SYT9: variants seen among roughly 807,000 people sequenced by gnomAD.
SYT9 encodes the protein synaptotagmin 9.
Under a neutral mutation model 48.4 loss-of-function variants are expected in SYT9, and 22 were observed. The ratio of observed to expected loss-of-function variants is 0.45; its 90% CI spans 0.32 to 0.65. The LOEUF (loss-of-function observed/expected upper bound fraction) is 0.65. SYT9 is among the 30% of genes least tolerant of loss of function. The probability of loss-of-function intolerance (pLI) is 0.03; values close to 1 mark genes in which losing one functional copy is unlikely to be tolerated. For synonymous variants in SYT9, 265 were observed against 245.0 expected, an observed-to-expected ratio of 1.08 and a Z score of -0.76; for missense variants, 577 against 622.0, an observed-to-expected ratio of 0.93 and a Z score of 0.77.
intron 3 of SYT9, among the ~76,000 whole-genome samples, chr11:7,415,223 A>T (rs1847218722): frequency 6.6e-6 from 1 of 152,138 alleles, no homozygotes; most frequent in Non-Finnish European, 1.5e-5. Context: ...CCCTGCAAGG[A>T]GGCTGTGCGG....
chr11:7,319,259 T>C (rs1849298337), intron 3 of SYT9, among the ~76,000 whole-genome samples: 3 of 149,198 alleles, frequency 2.0e-5, no homozygotes, highest in African/African-American at 7.4e-5. Context: ...TCTTGAGGTA[T>C]CTGTAGGCTG....
intron 3 of SYT9, among the ~76,000 whole-genome samples, chr11:7,355,412 A>T (rs1850000822): frequency 6.6e-6 from 1 of 152,230 alleles, no homozygotes; most frequent in Non-Finnish European, 1.5e-5. Flanking sequence ...TATTAGGGAA[A>T]TGCTGTTGGA....
rs758664489 is a variant in SYT9, at chr11:7,398,780, C to T, written c.1045-17262C>T. On this transcript the variant is annotated intron_variant, in intron 3 of 6. Coordinates refer to ENST00000318881, the MANE Select transcript of SYT9 (RefSeq NM_175733.4). ...GTTGAGTGCCAACAAATGGAAAATTCCACACCTGACCTCATGTGACAGCTT... is the reference window on the plus strand; with the variant it reads ...GTTGAGTGCCAACAAATGGAAAATTTCACACCTGACCTCATGTGACAGCTT... Among the ~76,000 whole-genome samples, 104 of 152,240 alleles carry T rather than the reference C, an allele frequency of 6.8e-4. 1 individual carries two copies. Among genetic ancestry groups the T allele is most frequent in the Middle Eastern group, 3.4e-3 (1 of 294 alleles).
chr11:7,266,013 C>G (rs774814696), intron 1 of SYT9, among the ~76,000 whole-genome samples: 1 of 152,024 alleles, frequency 6.6e-6, no homozygotes, highest in Non-Finnish European at 1.5e-5. Context: ...GAGAAAGAAG[C>G]TGGACAAGAA....
At chr11:7,428,724 T>C (rs185418037) in intron 6 of SYT9, among the ~76,000 whole-genome samples, 1 of 152,322 alleles carries the variant, frequency 6.6e-6, no homozygotes, top group East Asian at 1.9e-4. Flanking sequence ...GTCTCATTTG[T>C]TGAGACTTTG....
At position 7,464,815 on chromosome 11, in the gene SYT9, G is replaced by T. The variant is rs1015859236; in HGVS notation, c.1468-1977G>T. On this transcript the variant is annotated intron_variant, in intron 6 of 6. Coordinates refer to ENST00000318881, the MANE Select transcript of SYT9 (RefSeq NM_175733.4). ...GAGCTATTCGGGGCCAGGCGCGGTG[G>T]CTCACGCCTGTAATCCCAGTACTTT... Among the ~76,000 whole-genome samples, 6 of 152,136 alleles carry T rather than the reference G, an allele frequency of 3.9e-5. No individual in the cohort carries two copies. In the East Asian group the frequency reaches 9.6e-4, roughly 24 times the overall value.
chr11:7,323,116 G>GT (rs886391578), intron 3 of SYT9, among the ~76,000 whole-genome samples: 12 of 151,772 alleles, frequency 7.9e-5, no homozygotes, highest in African/African-American at 2.9e-4. Context: ...TTAATTTTAA[G>GT]TTTTTTTCTA....
At chr11:7,288,606 C>T (rs949854318) in intron 1 of SYT9, among the ~76,000 whole-genome samples, 9 of 151,164 alleles carry the variant, frequency 6.0e-5, no homozygotes, top group African/African-American at 2.2e-4. Context: ...TGGAGAATAA[C>T]ATCTTACATA....
In SYT9 at chr11:7,297,637, C is replaced by T. The variant is rs557922548; in HGVS notation, c.146-5402C>T. Among the ~76,000 whole-genome samples, 5 of 152,312 alleles carry T rather than the reference C, an allele frequency of 3.3e-5. No individual in the cohort carries two copies. The South Asian group carries it at 1.0e-3, about 32-fold the overall frequency. On this transcript the variant is annotated intron_variant, in intron 1 of 6. Transcript: ENST00000318881. ...GCTGGGACTTCCTTCCACCAGTCTT[C>T]CAACTTCAGTACAGTTTCTCATGTA... is the stretch of plus-strand genomic sequence containing the variant.
intron 1 of SYT9, among the ~76,000 whole-genome samples, chr11:7,280,762 ACTAT>A (rs1285428038): frequency 9.1e-6 from 1 of 109,516 alleles, no homozygotes; most frequent in East Asian, 3.4e-4. Context: ...AGATGTAAGT[ACTAT>A]AGATGTAAGT....
intron 3 of SYT9, among the ~76,000 whole-genome samples, chr11:7,358,603 G>C (rs1001770808): frequency 2.6e-5 from 4 of 152,124 alleles, no homozygotes; most frequent in Non-Finnish European, 5.9e-5. Context: ...TATTTTATCA[G>C]ATTAAAGATT....
At chr11:7,243,195 A>G (rs1847757170) in intron 1 of SYT9, among the ~76,000 whole-genome samples, 2 of 152,238 alleles carry the variant, frequency 1.3e-5, no homozygotes, top group African/African-American at 2.4e-5. Flanking sequence ...TGCAGTTACA[A>G]TTAATGAATG....
intron 6 of SYT9, among the ~76,000 whole-genome samples, chr11:7,458,902 T>C (rs1417225173): frequency 6.6e-6 from 1 of 152,230 alleles, no homozygotes; most frequent in Admixed American, 6.5e-5. Context: ...TCCAAAGTTA[T>C]CACTGATCTC....
At chr11:7,434,384 C>G (rs1233606898) in intron 6 of SYT9, among the ~76,000 whole-genome samples, 1 of 152,098 alleles carries the variant, frequency 6.6e-6, no homozygotes, top group Non-Finnish European at 1.5e-5. Context: ...AATGAAGGAA[C>G]CAAAAGCCAG....
At chr11:7,317,382 G>A (rs1438783048) in intron 3 of SYT9, among the ~76,000 whole-genome samples, 3 of 152,118 alleles carry the variant, frequency 2.0e-5, no homozygotes, top group Non-Finnish European at 2.9e-5. Flanking sequence ...TAGAGTTCTG[G>A]AGCCTGGGAT....
intron 3 of SYT9, among the ~76,000 whole-genome samples, chr11:7,394,781 T>G (rs541556343): frequency 4.6e-5 from 7 of 152,282 alleles, no homozygotes; most frequent in Non-Finnish European, 1.0e-4. Context: ...GATTATTAAT[T>G]TGAGATTTTT....
At chr11:7,355,269 G>A (rs1429429584) in intron 3 of SYT9, among the ~76,000 whole-genome samples, 1 of 152,186 alleles carries the variant, frequency 6.6e-6, no homozygotes, top group African/African-American at 2.4e-5. Context: ...CAGGTATGCT[G>A]AGATACAAAT....
At chr11:7,349,792 G>C (rs566559466) in intron 3 of SYT9, among the ~76,000 whole-genome samples, 1 of 152,224 alleles carries the variant, frequency 6.6e-6, no homozygotes, top group Non-Finnish European at 1.5e-5. Flanking sequence ...CCACACAAGT[G>C]ATAAAGGTGA....
chr11:7,367,148 C>G (rs1040388146), intron 3 of SYT9, among the ~76,000 whole-genome samples: 11 of 123,486 alleles, frequency 8.9e-5, no homozygotes, highest in Non-Finnish European at 1.4e-4. Context: ...GTGGCGCAAT[C>G]TCGGCTCACT....
Sources: allele counts gnomAD v4.1 joint callset (sites outside exome capture counted in the v4.1 genomes callset), GRCh38; gene constraint gnomAD v4.1.1; transcripts MANE v1.5; gene names NCBI Gene and HGNC (gene_info 2026-07-23, HGNC 2026-07-21).